The following CATSPER2 variants were observed in gnomAD, a reference collection of about 807,000 sequenced individuals.
CATSPER2 encodes the protein cation channel sperm-associated protein 2.
A neutral mutation model predicts 68.8 loss-of-function variants in CATSPER2; 56 were observed. The observed-to-expected ratio is 0.81, with a 90% CI of 0.66 to 1.02. CATSPER2 has a LOEUF of 1.02. Among genes scored for constraint, CATSPER2 ranks in the 50% least tolerant of loss-of-function variants. The pLI, the probability that CATSPER2 is intolerant of heterozygous loss-of-function variation, is 0.00. For synonymous variants in CATSPER2, 198 were observed against 229.9 expected (o/e 0.86, Z 1.26); for missense variants, 582 against 642.0 (o/e 0.91, Z 1.01).
intron 2 of CATSPER2, 26 bp from the exon 3 acceptor site, chr15:43,647,493 G>A (rs1225562970): frequency 6.2e-7 from 1 of 1,608,202 alleles, no homozygotes; most frequent in African/African-American, 1.3e-5. Context: ...AAAAGGGATA[G>A]TGGATAAATA....
At chr15:43,632,632 G>C (rs963490132) in intron 11 of CATSPER2, 85 bp downstream of exon 11, 11 of 1,606,874 alleles carry the variant, frequency 6.8e-6, no homozygotes, top group Non-Finnish European at 9.4e-6. Context: ...GATATACTAG[G>C]AGAGCTCCTG....
chr15:43,631,638 A>G (rs1265406339), intron 12 of CATSPER2: 2 of 271,330 alleles, frequency 7.4e-6, no homozygotes, highest in South Asian at 4.1e-5. Flanking sequence ...ATCAAACTCT[A>G]CTATTTAAAT....
chr15:43,632,682 T>G, intron 11 of CATSPER2, 35 bp downstream of exon 11: 1 of 1,612,134 alleles, frequency 6.2e-7, no homozygotes, highest in Non-Finnish European at 8.5e-7. Flanking sequence ...TGAATTCAAA[T>G]GGAAAAAACT....
Position 43,648,743 on chromosome 15 carries a change from C to T in CATSPER2, c.-117G>A. 6.6e-7 allele frequency: 1 copy of T among 1,523,308 alleles called. No individual in the cohort carries two copies. The highest frequency in any genetic ancestry group is 8.8e-7 in the Non-Finnish European group (1 of 1,139,726). 94.4% of individuals were successfully genotyped at this position (1,523,308 alleles called of 1,614,324 possible). On this transcript the variant is annotated 5_prime_UTR_variant, in exon 1 of 13. Transcript: ENST00000396879. Reference sequence around the variant, plus strand: ...GACGAGCTCAGGGCCGGCTCCCAGCCTCACTGCGCCCCATTCCCCGCCCCG... The same window carrying T: ...GACGAGCTCAGGGCCGGCTCCCAGCTTCACTGCGCCCCATTCCCCGCCCCG...
Position 43,638,286 on chromosome 15 carries a change from C to CTTTCTTTTTTTTTTTTTTTTTTTTTTTT in CATSPER2, c.842+617_842+618insAAAAAAAAAAAAAAAAAAAAAAAAGAAA, listed in dbSNP as rs1354288133. ...ATTTTTCTTTTCTTTTTCTTTCTTT[C>CTTTCTTTTTTTTTTTTTTTTTTTTTTTT]TTTTTTTTTTTTTTTTTTTTTGAGA... On this transcript the variant is annotated intron_variant, in intron 7 of 12. Transcript: ENST00000396879. Among the ~76,000 whole-genome samples, 11 of 81,864 alleles carry CTTTCTTTTTTTTTTTTTTTTTTTTTTTT rather than the reference C, an allele frequency of 1.3e-4. 3 individuals are homozygous for CTTTCTTTTTTTTTTTTTTTTTTTTTTTT. Among genetic ancestry groups the CTTTCTTTTTTTTTTTTTTTTTTTTTTTT allele is most frequent in the African/African-American group, 8.3e-4 (11 of 13,270 alleles). The allele number at this position is 81,864 out of a possible 152,430, so 53.7% of individuals were successfully genotyped here. A position where few individuals can be genotyped will look rare whatever the true frequency, so the allele number is the denominator to read the frequency against.
Position 43,648,660 on chromosome 15 carries a change from C to T in CATSPER2, c.-34G>A. ...CCAGGTTCTCTTTGCCCACTCAGTC[C>T]TTATTTCACGCTTCCGCCTCCAGCT... On this transcript the variant is annotated 5_prime_UTR_variant, in exon 1 of 13. Transcript: ENST00000396879. 2 of 1,418,568 alleles carry T rather than the reference C, an allele frequency of 1.4e-6. No individual in the cohort carries two copies. Among genetic ancestry groups the T allele is most frequent in the South Asian group, 1.5e-5 (1 of 66,680 alleles). The allele number at this position is 1,418,568 out of a possible 1,614,324, so 87.9% of individuals were successfully genotyped here. A position where few individuals can be genotyped will look rare whatever the true frequency, so the allele number is the denominator to read the frequency against.
At chr15:43,630,851 A>C in intron 12 of CATSPER2, 119 bp from the exon 13 acceptor site, 1 of 1,589,886 alleles carries the variant, frequency 6.3e-7, no homozygotes, top group Non-Finnish European at 8.6e-7. Flanking sequence ...ACTAATCTTT[A>C]AATTAAGCCA....
At chr15:43,648,869 G>A, upstream of CATSPER2, 1 of 1,508,342 alleles carries the variant, frequency 6.6e-7, no homozygotes, top group Non-Finnish European at 8.9e-7. Context: ...TCGCCGCCTA[G>A]GCCCCGCCCC....
Position 43,639,746 on chromosome 15 carries a change from C to T in CATSPER2, c.614G>A (p.Trp205Ter). Residue 205 changes from tryptophan to a stop codon, truncating the protein, a stop_gained, in exon 6 of 13, where the codon TGG becomes TAG. Transcript: ENST00000396879. LOFTEE classifies it high-confidence loss of function. Reference protein sequence around the residue: ...VLVGVTGQSVWLQLLRICRVL... With the variant: ...VLVGVTGQSV ...CCGGCAGATCCTCAGAAGCTGAAGCCACACCGATTGGCCTGTTACCCCTAC... is the reference window on the plus strand; with the variant it reads ...CCGGCAGATCCTCAGAAGCTGAAGCTACACCGATTGGCCTGTTACCCCTAC... 1 of 1,612,386 alleles carries T rather than the reference C, an allele frequency of 6.2e-7. No homozygotes were observed. The highest frequency in any genetic ancestry group is 1.1e-5 in the South Asian group (1 of 91,002).
chr15:43,647,939 C>A lies in CATSPER2; in HGVS notation c.123G>T (p.Arg41=), dbSNP rs28578159. ...GACCAAGTAACTCCCTGATAGTGTGCCGCGGCACAGCTTGGCTCAAGCCTT... is the reference window on the plus strand; with the variant it reads ...GACCAAGTAACTCCCTGATAGTGTGACGCGGCACAGCTTGGCTCAAGCCTT... ...HLQGLSQAVP[R]HTIRELLDPS... is the part of the protein sequence containing the mutation. The change falls in exon 2 of 13, where the codon CGG becomes CGT. Residue 41 remains arginine, a synonymous_variant. Coordinates refer to ENST00000396879, the MANE Select transcript of CATSPER2 (RefSeq NM_172095.4). 6.8e-6 allele frequency: 11 copies of A among 1,613,616 alleles called. No individual in the cohort carries two copies. Among genetic ancestry groups the A allele is most frequent in the Non-Finnish European group, 9.3e-6 (11 of 1,179,746 alleles).
At position 43,638,855 on chromosome 15, in the gene CATSPER2, T is replaced by C. The variant is rs372281377; in HGVS notation, c.842+49A>G. 7.5e-6 allele frequency: 12 copies of C among 1,608,744 alleles called. No homozygotes were observed. The African/African-American group carries it at 1.6e-4, about 22-fold the overall frequency. ...TATACTTTGGACAAGCTTCCTGGTCTCTTAGCCAAATTTTCTCCCCTCACC... is the reference window on the plus strand; with the variant it reads ...TATACTTTGGACAAGCTTCCTGGTCCCTTAGCCAAATTTTCTCCCCTCACC... On this transcript the variant is annotated intron_variant, in intron 7 of 12. Coordinates refer to ENST00000396879, the MANE Select transcript of CATSPER2 (RefSeq NM_172095.4).
In CATSPER2 at chr15:43,648,675, C is replaced by T. The variant is rs536651810; in HGVS notation, c.-49G>A. 29 of 1,426,642 alleles carry T rather than the reference C, an allele frequency of 2.0e-5. No individual in the cohort carries two copies. In the South Asian group the frequency reaches 2.9e-4, roughly 14 times the overall value. The allele number at this position is 1,426,642 out of a possible 1,614,324, so 88.4% of individuals were successfully genotyped here. A position where few individuals can be genotyped will look rare whatever the true frequency, so the allele number is the denominator to read the frequency against. ...CCACTCAGTCCTTATTTCACGCTTC[C>T]GCCTCCAGCTCAGGTGCCCCGAGCC... On this transcript the variant is annotated 5_prime_UTR_variant, in exon 1 of 13. Coordinates refer to ENST00000396879, the MANE Select transcript of CATSPER2 (RefSeq NM_172095.4).
chr15:43,646,649 C>T (rs1255115664), intron 4 of CATSPER2, among the ~76,000 whole-genome samples: 1 of 151,066 alleles, frequency 6.6e-6, no homozygotes, highest in Non-Finnish European at 1.5e-5. Flanking sequence ...TTTCAAATGA[C>T]ATTCAAAAAT....
At chr15:43,632,549 C>T (rs781767083) in intron 11 of CATSPER2, 168 bp downstream of exon 11, 145 of 1,465,434 alleles carry the variant, frequency 9.9e-5, no homozygotes, top group East Asian at 2.0e-4. Context: ...CACACTTACC[C>T]GAAGTGAAGA....
chr15:43,637,939 CTTTT>C (rs780808346), intron 7 of CATSPER2, among the ~76,000 whole-genome samples: 6 of 143,666 alleles, frequency 4.2e-5, no homozygotes, highest in African/African-American at 1.3e-4. Context: ...TGCTATTATT[CTTTT>C]TTTTTTTTTT....
chr15:43,640,546 G>T, intron 4 of CATSPER2, 50 bp from the exon 5 acceptor site: 1 of 1,610,846 alleles, frequency 6.2e-7, no homozygotes, highest in South Asian at 1.1e-5. Flanking sequence ...GCTGGAAACC[G>T]AATGATGGAG....
intron 9 of CATSPER2, 102 bp from the exon 10 acceptor site, chr15:43,635,518 G>A: frequency 7.5e-7 from 1 of 1,332,658 alleles, no homozygotes. Flanking sequence ...ACTAATTGGG[G>A]AGAACAAATT....
At position 43,648,503 on chromosome 15, in the gene CATSPER2, C is replaced by A. The variant is rs372719120; in HGVS notation, c.-3+126G>T. 57 of 971,498 alleles carry A rather than the reference C, an allele frequency of 5.9e-5. No homozygotes were observed. In the East Asian group the frequency reaches 7.8e-4, roughly 13 times the overall value. 60.2% of individuals were successfully genotyped at this position (971,498 alleles called of 1,614,324 possible). A position where few individuals can be genotyped will look rare whatever the true frequency, so the allele number is the denominator to read the frequency against. Reference sequence around the variant, plus strand: ...CTGCTCACGCAAGAGAAACCAAGTGCAGAGAAATTGGACAAAATGCCAAAG... The same window carrying A: ...CTGCTCACGCAAGAGAAACCAAGTGAAGAGAAATTGGACAAAATGCCAAAG... On this transcript the variant is annotated intron_variant, in intron 1 of 12. Transcript: ENST00000396879.
rs1260276044 is a variant in CATSPER2 at position 43,632,808 on chromosome 15, T to C, written c.1305A>G (p.Ser435=). ...TSASKTEETL[S]KKREYQSSSC... is the part of the protein sequence containing the mutation. ...AGGAAGACTGGTACTCTCTCTTTTT[T>C]GACAAGGTCTCTTCTGTTTTTGATG... Residue 435 remains serine, a synonymous_variant, in exon 11 of 13, where the codon TCA becomes TCG. Transcript: ENST00000396879. 3 of 1,613,646 alleles carry C rather than the reference T, an allele frequency of 1.9e-6. No individual in the cohort carries two copies. The African/African-American group carries it at 4.0e-5, about 22-fold the overall frequency.
Sources: allele counts gnomAD v4.1 joint callset (sites outside exome capture counted in the v4.1 genomes callset), GRCh38; gene constraint gnomAD v4.1.1; transcripts MANE v1.5; gene names NCBI Gene and HGNC (gene_info 2026-07-23, HGNC 2026-07-21).